Variants in CRPPA observed in about 807,000 individuals in gnomAD.
CRPPA encodes the protein CDP-L-ribitol pyrophosphorylase A.
In CRPPA, 43 loss-of-function variants were observed where a neutral mutation model predicts 52.0. That is an observed-to-expected ratio of 0.83 (90% CI 0.65 to 1.07). The LOEUF is 1.07. CRPPA is among the 50% of genes least tolerant of loss of function. The pLI, the probability that CRPPA is intolerant of heterozygous loss-of-function variation, is 0.00. For synonymous variants in CRPPA, 250 were observed against 203.5 expected (o/e 1.23, Z -1.94); for missense variants, 629 against 551.7 (o/e 1.14, Z -1.40).
At chr7:16,268,535 G>C (rs1784013776) in intron 6 of CRPPA, among the ~76,000 whole-genome samples, 1 of 151,982 alleles carries the variant, frequency 6.6e-6, no homozygotes. Flanking sequence ...TTCCCATTAT[G>C]ACTTATGAGG....
At chr7:16,147,604 G>A (rs1186425500) in intron 9 of CRPPA, among the ~76,000 whole-genome samples, 4 of 152,082 alleles carry the variant, frequency 2.6e-5, no homozygotes, top group African/African-American at 9.7e-5. Flanking sequence ...TCCCTTTTAA[G>A]AAAAATTTGA....
At chr7:16,348,560 C>T (rs1338270999) in intron 3 of CRPPA, among the ~76,000 whole-genome samples, 2 of 152,158 alleles carry the variant, frequency 1.3e-5, no homozygotes, top group Non-Finnish European at 2.9e-5. Context: ...TGAAGAGGAC[C>T]AAACCAAGAG....
At chr7:16,387,980 T>C (rs1583568997) in intron 2 of CRPPA, among the ~76,000 whole-genome samples, 1 of 152,202 alleles carries the variant, frequency 6.6e-6, no homozygotes, top group East Asian at 1.9e-4. Context: ...ACTAATTTAT[T>C]CTTTTCTTTC....
chr7:16,381,947 T>A (rs996022710), intron 2 of CRPPA, among the ~76,000 whole-genome samples: 24 of 152,124 alleles, frequency 1.6e-4, no homozygotes, highest in Admixed American at 1.3e-3. Context: ...CTTTATCCAA[T>A]TTGCCAGTCT....
At chr7:16,096,231 G>C (rs999487654) in intron 9 of CRPPA, among the ~76,000 whole-genome samples, 5 of 151,718 alleles carry the variant, frequency 3.3e-5, no homozygotes, top group Middle Eastern at 3.2e-3. Context: ...TCAAAGTGTG[G>C]TATCAAATAT....
At chr7:16,250,638 A>G (rs1783422180) in intron 8 of CRPPA, among the ~76,000 whole-genome samples, 1 of 152,302 alleles carries the variant, frequency 6.6e-6, no homozygotes, top group Admixed American at 6.5e-5. Context: ...TTCATAAGTC[A>G]AGGAGAAATA....
At chr7:16,262,568 T>C (rs920091114) in intron 6 of CRPPA, among the ~76,000 whole-genome samples, 7 of 152,190 alleles carry the variant, frequency 4.6e-5, no homozygotes, top group African/African-American at 1.7e-4. Flanking sequence ...ATGTGCATTA[T>C]AATTTTTTAA....
At chr7:16,251,260 T>C (rs1311746799) in intron 8 of CRPPA, among the ~76,000 whole-genome samples, 1 of 152,004 alleles carries the variant, frequency 6.6e-6, no homozygotes, top group East Asian at 1.9e-4. Flanking sequence ...AGAATTAGAC[T>C]CCCACCCAAT....
Position 16,407,776 on chromosome 7 carries a change from T to G in CRPPA, c.258-1439A>C, listed in dbSNP as rs1367878882. ...TATAGGTGATACTGCCTTTTCATTT[T>G]AAGCCCATTTCTTTAATATTTATTG... On this transcript the variant is annotated intron_variant, in intron 1 of 9. Coordinates refer to ENST00000407010, the MANE Select transcript of CRPPA (RefSeq NM_001101426.4). 2.0e-5 allele frequency among the ~76,000 whole-genome samples: 3 copies of G among 152,140 alleles called. No individual in the cohort carries two copies. In the East Asian group the frequency reaches 5.8e-4, roughly 29 times the overall value.
intron 3 of CRPPA, among the ~76,000 whole-genome samples, chr7:16,335,679 G>T (rs184393086): frequency 6.6e-6 from 1 of 152,222 alleles, no homozygotes; most frequent in East Asian, 1.9e-4. Flanking sequence ...AGGAGTTCCT[G>T]AAAGAGGAAA....
At chr7:16,379,578 G>A (rs980641597) in intron 2 of CRPPA, among the ~76,000 whole-genome samples, 12 of 152,192 alleles carry the variant, frequency 7.9e-5, no homozygotes, top group Middle Eastern at 3.4e-3. Flanking sequence ...AATTACCTTG[G>A]GCAGTACGGC....
intron 9 of CRPPA, among the ~76,000 whole-genome samples, chr7:16,209,464 G>A (rs1162542404): frequency 6.6e-6 from 1 of 151,872 alleles, no homozygotes; most frequent in East Asian, 1.9e-4. Flanking sequence ...TAGAGACGGG[G>A]TTTCACAATG....
intron 3 of CRPPA, among the ~76,000 whole-genome samples, chr7:16,361,725 GAA>G (rs1272547424): frequency 6.6e-6 from 1 of 152,168 alleles, no homozygotes; most frequent in African/African-American, 2.4e-5. Context: ...AGCACAAAGT[GAA>G]AGTTTTGAAA....
intron 8 of CRPPA, among the ~76,000 whole-genome samples, chr7:16,219,300 G>A (rs1463276704): frequency 1.3e-5 from 2 of 148,370 alleles, no homozygotes; most frequent in African/African-American, 5.0e-5. Flanking sequence ...GCAGTGTGTA[G>A]AGGGAAATTT....
At chr7:16,234,683 C>T (rs772748532) in intron 8 of CRPPA, among the ~76,000 whole-genome samples, 3 of 152,024 alleles carry the variant, frequency 2.0e-5, no homozygotes, top group Non-Finnish European at 4.4e-5. Flanking sequence ...GAAGACAGCA[C>T]TAGAACAGGG....
At chr7:16,249,566 G>A (rs998626641) in intron 8 of CRPPA, among the ~76,000 whole-genome samples, 1 of 152,306 alleles carries the variant, frequency 6.6e-6, no homozygotes. Flanking sequence ...TGCAGCCTCT[G>A]CTGATCATAG....
chr7:16,400,043 A>G (rs1787763780), intron 2 of CRPPA, among the ~76,000 whole-genome samples: 1 of 152,152 alleles, frequency 6.6e-6, no homozygotes, highest in Non-Finnish European at 1.5e-5. Context: ...CGTGACGAAT[A>G]CACAACACGT....
At chr7:16,098,246 C>T (rs1299980289) in intron 9 of CRPPA, among the ~76,000 whole-genome samples, 1 of 152,120 alleles carries the variant, frequency 6.6e-6, no homozygotes, top group East Asian at 1.9e-4. Context: ...TTGGAGATAC[C>T]TATCCTCTAT....
intron 2 of CRPPA, among the ~76,000 whole-genome samples, chr7:16,387,088 C>CATAT (rs1305950837): frequency 2.3e-4 from 8 of 34,792 alleles, no homozygotes; most frequent in South Asian, 1.4e-3. Context: ...TATATATATA[C>CATAT]ACACATATAT....
Sources: gnomAD v4.1 joint callset for allele counts (sites outside exome capture counted in the v4.1 genomes callset) on GRCh38, gnomAD v4.1.1 for gene constraint, MANE v1.5 for transcripts, NCBI Gene and HGNC (gene_info 2026-07-23, HGNC 2026-07-21) for gene names.